PCGF5: variants seen among roughly 807,000 people sequenced by gnomAD.
PCGF5 encodes the protein polycomb group ring finger 5.
Under a neutral mutation model 44.3 loss-of-function variants are expected in PCGF5, and 9 were observed. The ratio of observed to expected loss-of-function variants is 0.20; its 90% confidence interval spans 0.12 to 0.35. The LOEUF (loss-of-function observed/expected upper bound fraction) is 0.35, where lower values mean the gene tolerates loss of function less well. PCGF5 is among the 10% of genes least tolerant of loss of function. The pLI is 1.00. For synonymous variants in PCGF5, 95 were observed against 102.5 expected (o/e 0.93, Z 0.44); for missense variants, 146 against 305.3 (o/e 0.48, Z 3.89).
At chr10:91,168,825 T>C (rs1485220060) in intron 1 of PCGF5, among the ~76,000 whole-genome samples, 2 of 147,156 alleles carry the variant, frequency 1.4e-5, no homozygotes, top group East Asian at 2.1e-4. Flanking sequence ...CTACTAGGGC[T>C]GCTGAGGCAG....
chr10:91,266,445 A>G (rs935433016), intron 8 of PCGF5, among the ~76,000 whole-genome samples: 7 of 152,194 alleles, frequency 4.6e-5, no homozygotes, highest in African/African-American at 1.4e-4. Flanking sequence ...CTTTCTGATT[A>G]CATATTTGTG....
intron 1 of PCGF5, among the ~76,000 whole-genome samples, chr10:91,213,260 A>G (rs527545585): frequency 4.6e-5 from 7 of 152,338 alleles, no homozygotes; most frequent in African/African-American, 1.4e-4. Context: ...AAGTATGACT[A>G]ATATTTGAAG....
intron 9 of PCGF5, among the ~76,000 whole-genome samples, chr10:91,276,197 T>C (rs1846308854): frequency 6.6e-6 from 1 of 152,180 alleles, no homozygotes; most frequent in South Asian, 2.1e-4. Flanking sequence ...TTTAAATACT[T>C]TTCCTTTTTT....
chr10:91,226,977 A>C (rs1301460813), intron 2 of PCGF5, among the ~76,000 whole-genome samples: 1 of 152,168 alleles, frequency 6.6e-6, no homozygotes, highest in Non-Finnish European at 1.5e-5. Context: ...TTAAATGATC[A>C]CTTAATACTA....
chr10:91,190,932 G>A (rs1167401421), intron 1 of PCGF5, among the ~76,000 whole-genome samples: 1 of 152,088 alleles, frequency 6.6e-6, no homozygotes, highest in Non-Finnish European at 1.5e-5. Context: ...CTTAAAATAT[G>A]CTTCACTTCA....
chr10:91,220,645 C>G (rs908734855), upstream of PCGF5: 1 of 151,066 alleles, frequency 6.6e-6, no homozygotes, highest in African/African-American at 2.4e-5. Context: ...ACCTGGGCCC[C>G]GAGGCCCGCC....
chr10:91,250,859 T>C (rs1845606917), intron 5 of PCGF5, among the ~76,000 whole-genome samples: 1 of 151,876 alleles, frequency 6.6e-6, no homozygotes, highest in South Asian at 2.1e-4. Flanking sequence ...GAGAACTTAA[T>C]TTTATCATTT....
chr10:91,199,368 G>C (rs1844203750), intron 1 of PCGF5, among the ~76,000 whole-genome samples: 1 of 152,226 alleles, frequency 6.6e-6, no homozygotes, highest in Non-Finnish European at 1.5e-5. Flanking sequence ...CAGGAGCTCT[G>C]GAACTAGAAT....
At chr10:91,253,480 A>G (rs1454534395) in intron 6 of PCGF5, among the ~76,000 whole-genome samples, 1 of 152,058 alleles carries the variant, frequency 6.6e-6, no homozygotes, top group Admixed American at 6.6e-5. Context: ...AGTTTCACTA[A>G]CACCGGAAAC....
chr10:91,263,003 A>G (rs998413279), intron 7 of PCGF5, among the ~76,000 whole-genome samples: 4 of 152,218 alleles, frequency 2.6e-5, no homozygotes, highest in African/African-American at 4.8e-5. Context: ...TGGCATGTAT[A>G]TATTTCGCTA....
rs1330402854 is a variant in PCGF5 at position 91,225,247 on chromosome 10, T to C, written c.112+2264T>C. Among the ~76,000 whole-genome samples the C allele has an allele frequency of 2.7e-5, 4 of 147,506 alleles. No individual in the cohort carries two copies. The Admixed American group carries it at 2.7e-4, about 10-fold the overall frequency. Reference sequence around the variant, plus strand: ...ATATATATCATATATGTATATATGATATATATCGTATATATGTATATACGA... The same window carrying C: ...ATATATATCATATATGTATATATGACATATATCGTATATATGTATATACGA... On this transcript the variant is annotated intron_variant, in intron 2 of 9. Transcript: ENST00000336126.
At chr10:91,201,934 C>A (rs1246282891) in intron 1 of PCGF5, among the ~76,000 whole-genome samples, 1 of 152,064 alleles carries the variant, frequency 6.6e-6, no homozygotes, top group Non-Finnish European at 1.5e-5. Context: ...TTTACTGGCA[C>A]TATGCTTTTG....
At chr10:91,269,487 T>G (rs1222446103) in intron 8 of PCGF5, among the ~76,000 whole-genome samples, 2 of 152,358 alleles carry the variant, frequency 1.3e-5, no homozygotes, top group East Asian at 3.9e-4. Context: ...CTTTTGTGGC[T>G]GTAGCATAAT....
At chr10:91,203,427 T>C (rs1402012766) in intron 1 of PCGF5, among the ~76,000 whole-genome samples, 2 of 152,226 alleles carry the variant, frequency 1.3e-5, no homozygotes, top group Admixed American at 6.5e-5. Context: ...GCAAATGACT[T>C]CTGTCTGATA....
At chr10:91,270,320 A>G (rs1032885268) in intron 8 of PCGF5, among the ~76,000 whole-genome samples, 2 of 152,036 alleles carry the variant, frequency 1.3e-5, no homozygotes, top group African/African-American at 4.8e-5. Context: ...TATTTGCATT[A>G]GTAGGCAATT....
At chr10:91,233,808 T>C (rs771541797) in intron 2 of PCGF5, among the ~76,000 whole-genome samples, 1 of 152,182 alleles carries the variant, frequency 6.6e-6, no homozygotes, top group Non-Finnish European at 1.5e-5. Flanking sequence ...GTATGAAGAT[T>C]GTGAACTGCT....
In PCGF5 at chr10:91,195,798, G is replaced by A. The variant is rs571968843; in HGVS notation, c.-183-26891G>A. Among the ~76,000 whole-genome samples, 32 of 151,834 alleles carry A rather than the reference G, an allele frequency of 2.1e-4. No individual in the cohort carries two copies. The East Asian group carries it at 5.0e-3, about 24-fold the overall frequency. The stretch of plus-strand genomic sequence containing the variant: ...TAGACTGGTTCTTTAAAGTAGCAGA[G>A]CCTAGACAGGGGCTTAGGGGCAATT... On this transcript the variant is annotated intron_variant, in intron 1 of 9. Coordinates refer to the PCGF5 transcript ENST00000614189.
chr10:91,214,548 A>T (rs1844508625), intron 1 of PCGF5, among the ~76,000 whole-genome samples: 2 of 152,216 alleles, frequency 1.3e-5, no homozygotes, highest in Non-Finnish European at 2.9e-5. Context: ...AATAGGAGAC[A>T]ATTTGTCCAG....
chr10:91,265,369 A>C (rs1846026284), intron 8 of PCGF5, among the ~76,000 whole-genome samples: 1 of 152,008 alleles, frequency 6.6e-6, no homozygotes, highest in Non-Finnish European at 1.5e-5. Flanking sequence ...GAGTGCATAA[A>C]TAAATAAATA....
Sources: allele counts gnomAD v4.1 joint callset (sites outside exome capture counted in the v4.1 genomes callset), GRCh38; gene constraint gnomAD v4.1.1; transcripts MANE v1.5; gene names NCBI Gene and HGNC (gene_info 2026-07-23, HGNC 2026-07-21).